POU6F2: variants seen among roughly 807,000 people sequenced by gnomAD.
POU6F2 encodes the protein POU domain, class 6, transcription factor 2.
A neutral mutation model predicts 71.3 loss-of-function variants in POU6F2; 31 were observed. The ratio of observed to expected loss-of-function variants is 0.43; its 90% CI spans 0.33 to 0.59. POU6F2 has a LOEUF of 0.59. POU6F2 is among the 20% of genes least tolerant of loss of function. The probability of loss-of-function intolerance (pLI) is 0.04; values close to 1 mark genes in which losing one functional copy is unlikely to be tolerated. For synonymous variants in POU6F2, 347 were observed against 355.7 expected (o/e 0.98, Z 0.27); for missense variants, 783 against 856.8 (o/e 0.91, Z 1.07).
chr7:39,136,001 A>G (rs1792380998), intron 2 of POU6F2, among the ~76,000 whole-genome samples: 1 of 152,224 alleles, frequency 6.6e-6, no homozygotes, highest in African/African-American at 2.4e-5. Context: ...ATTGTAGAAT[A>G]TATAGTAGCA....
At chr7:39,357,634 A>G (rs752982503) in intron 5 of POU6F2, among the ~76,000 whole-genome samples, 1 of 152,238 alleles carries the variant, frequency 6.6e-6, no homozygotes, top group Non-Finnish European at 1.5e-5. Context: ...GCCACCTCCA[A>G]CATTTTTCCA....
At position 39,431,647 on chromosome 7, in the gene POU6F2, G is replaced by T. The variant is rs188298480; in HGVS notation, c.1114-1430G>T. On this transcript the variant is annotated intron_variant, in intron 6 of 9. Coordinates refer to ENST00000518318, the MANE Select transcript of POU6F2 (RefSeq NM_001370959.1). The stretch of plus-strand genomic sequence containing the variant: ...GGGGGAAGGATGGAAAAGCGAGCAC[G>T]TGGGGTCAGCCAGACCTGGACTGTA... Among the ~76,000 whole-genome samples, 18 of 152,298 alleles carry T rather than the reference G, an allele frequency of 1.2e-4. No individual in the cohort carries two copies. In the East Asian group the frequency reaches 3.3e-3, roughly 28 times the overall value.
At position 39,110,376 on chromosome 7, in the gene POU6F2, CTTTAT is replaced by C. The variant is rs750651902; in HGVS notation, c.277+24352_277+24356del. ...AACTGATCATGTTCTAAGTATTTTA[CTTTAT>C]TTTATTGGTTTCTATCCTCTTGAGG... On this transcript the variant is annotated intron_variant, in intron 2 of 9. Transcript: ENST00000518318. Among the ~76,000 whole-genome samples, 96 of 151,434 alleles carry C rather than the reference CTTTAT, an allele frequency of 6.3e-4. 1 individual carries two copies. The highest frequency in any genetic ancestry group is 2.2e-3 in the African/African-American group (89 of 41,280).
intron 1 of POU6F2, among the ~76,000 whole-genome samples, chr7:39,025,171 T>C (rs973510463): frequency 5.9e-5 from 9 of 152,178 alleles, no homozygotes; most frequent in Non-Finnish European, 1.0e-4. Flanking sequence ...TGATTATTGC[T>C]GCAATTTCAG....
At chr7:39,401,829 A>G (rs568276981) in intron 5 of POU6F2, among the ~76,000 whole-genome samples, 7 of 152,344 alleles carry the variant, frequency 4.6e-5, no homozygotes, top group African/African-American at 1.7e-4. Flanking sequence ...TCCAAAATCC[A>G]TACTCTATAA....
intron 1 of POU6F2, among the ~76,000 whole-genome samples, chr7:39,038,365 T>A (rs1790110406): frequency 6.6e-6 from 1 of 152,086 alleles, no homozygotes; most frequent in South Asian, 2.1e-4. Flanking sequence ...TAAACACTCC[T>A]ATGAACATTT....
Position 39,348,115 on chromosome 7 carries a change from T to C in POU6F2, c.972+8100T>C, listed in dbSNP as rs147358033. ...TCTAAAACTTTCAATATATGAACTA[T>C]ACATAATAAACTCTTGAGAAAACAA... is the stretch of plus-strand genomic sequence containing the variant. On this transcript the variant is annotated intron_variant, in intron 5 of 9. Transcript: ENST00000518318. Among the ~76,000 whole-genome samples, 5 of 144,406 alleles carry C rather than the reference T, an allele frequency of 3.5e-5. 1 individual carries two copies. The highest frequency in any genetic ancestry group is 1.9e-4 in the East Asian group (1 of 5,172). The allele number at this position is 144,406 out of a possible 152,430, so 94.7% of individuals were successfully genotyped here.
chr7:39,099,810 T>C (rs1304489213), intron 2 of POU6F2, among the ~76,000 whole-genome samples: 1 of 152,190 alleles, frequency 6.6e-6, no homozygotes, highest in Non-Finnish European at 1.5e-5. Flanking sequence ...CTTAGCCCAA[T>C]GCGTATTTTT....
chr7:39,451,299 G>T (rs1788652594), intron 7 of POU6F2, among the ~76,000 whole-genome samples: 1 of 146,680 alleles, frequency 6.8e-6, no homozygotes, highest in Non-Finnish European at 1.5e-5. Flanking sequence ...GCCAAGTAGG[G>T]AATTAATAAT....
intron 5 of POU6F2, among the ~76,000 whole-genome samples, chr7:39,402,801 C>T (rs1787333575): frequency 6.6e-6 from 1 of 151,992 alleles, no homozygotes; most frequent in Admixed American, 6.6e-5. Flanking sequence ...AATAAAATTG[C>T]TCTAAAAATA....
At chr7:39,200,453 T>C (rs961951232) in intron 2 of POU6F2, among the ~76,000 whole-genome samples, 2 of 152,232 alleles carry the variant, frequency 1.3e-5, no homozygotes, top group African/African-American at 4.8e-5. Context: ...TTCCTGATTA[T>C]GCTACCATGG....
intron 4 of POU6F2, among the ~76,000 whole-genome samples, chr7:39,260,395 C>T (rs1306928836): frequency 1.3e-5 from 2 of 151,556 alleles, no homozygotes; most frequent in Admixed American, 6.6e-5. Context: ...GCTCACACCA[C>T]ACACACAGAC....
At chr7:39,339,081 T>TA (rs1454749623) in intron 4 of POU6F2, among the ~76,000 whole-genome samples, 3,646 of 142,664 alleles carry the variant, frequency 0.026, 92 homozygotes, top group African/African-American at 0.072. Flanking sequence ...TTTTGAATTT[T>TA]TAAAAAAAAA....
At chr7:39,153,370 C>T (rs114880209) in intron 2 of POU6F2, among the ~76,000 whole-genome samples, 80 of 152,158 alleles carry the variant, frequency 5.3e-4, no homozygotes, top group African/African-American at 1.7e-3. Flanking sequence ...CTCTCTACAC[C>T]GACCCAGGAT....
chr7:39,256,965 T>C (rs1206655254), intron 4 of POU6F2, among the ~76,000 whole-genome samples: 3 of 152,238 alleles, frequency 2.0e-5, no homozygotes, highest in Non-Finnish European at 4.4e-5. Context: ...ATTTGTGTTG[T>C]TAATAGCAGC....
At chr7:39,119,510 A>T (rs1791999364) in intron 2 of POU6F2, among the ~76,000 whole-genome samples, 1 of 152,056 alleles carries the variant, frequency 6.6e-6, no homozygotes, top group Non-Finnish European at 1.5e-5. Context: ...AGGGGAGGGG[A>T]AACGGGGTGG....
intron 2 of POU6F2, among the ~76,000 whole-genome samples, chr7:39,140,954 C>T (rs1792486110): frequency 6.6e-6 from 1 of 152,096 alleles, no homozygotes. Flanking sequence ...CACAGGGGCC[C>T]ATGCCTACAA....
At chr7:39,259,533 C>G (rs1784091599) in intron 4 of POU6F2, among the ~76,000 whole-genome samples, 1 of 152,104 alleles carries the variant, frequency 6.6e-6, no homozygotes, top group Non-Finnish European at 1.5e-5. Context: ...CCCTGAGCTC[C>G]AGGAGCCACA....
intron 2 of POU6F2, among the ~76,000 whole-genome samples, chr7:39,190,535 A>T (rs1011424328): frequency 1.3e-5 from 2 of 149,074 alleles, no homozygotes; most frequent in Non-Finnish European, 3.0e-5. Flanking sequence ...GAGATCACAG[A>T]TGCAGAATTT....
Sources: allele counts gnomAD v4.1 joint callset (sites outside exome capture counted in the v4.1 genomes callset), GRCh38; gene constraint gnomAD v4.1.1; transcripts MANE v1.5; gene names NCBI Gene and HGNC (gene_info 2026-07-23, HGNC 2026-07-21).